Variants in FRMD5 observed in about 807,000 individuals in gnomAD.
FRMD5 encodes FERM domain-containing protein 5.
A neutral mutation model predicts 69.0 loss-of-function variants in FRMD5; 20 were observed. The ratio of observed to expected loss-of-function variants is 0.29; its 90% confidence interval spans 0.20 to 0.42. The LOEUF (loss-of-function observed/expected upper bound fraction) is 0.42. Among genes scored for constraint, FRMD5 ranks in the 10% least tolerant of loss-of-function variants. The pLI is 1.00. For missense variants in FRMD5, 595 were observed against 708.6 expected (o/e 0.84, Z 1.82); for synonymous variants, 271 against 260.1 (o/e 1.04, Z -0.40).
chr15:43,973,437 C>T lies in FRMD5; in HGVS notation c.103-49128G>A, dbSNP rs186481849. On this transcript the variant is annotated intron_variant, in intron 1 of 13. Transcript: ENST00000417257. ...CTGGAGTGCAATGGCACGATATCTC[C>T]GCTCACTGGAACCTCCGCCTCCCAG... Among the ~76,000 whole-genome samples the T allele has an allele frequency of 2.4e-3, 365 of 151,804 alleles. 2 individuals carry two copies. Among genetic ancestry groups the T allele is most frequent in the African/African-American group, 8.1e-3 (334 of 41,372 alleles).
intron 1 of FRMD5, among the ~76,000 whole-genome samples, chr15:44,182,167 T>G (rs1023596400): frequency 5.3e-5 from 8 of 150,870 alleles, no homozygotes; most frequent in African/African-American, 2.0e-4. Flanking sequence ...TGCGCCACCA[T>G]GCCTGGCTAA....
chr15:44,030,807 G>C (rs1891646036), intron 1 of FRMD5, among the ~76,000 whole-genome samples: 1 of 152,158 alleles, frequency 6.6e-6, no homozygotes, highest in South Asian at 2.1e-4. Flanking sequence ...AAGTTACGTG[G>C]AAAGGAAGAA....
intron 1 of FRMD5, among the ~76,000 whole-genome samples, chr15:43,948,576 C>T (rs2089981813): frequency 6.6e-6 from 1 of 152,194 alleles, no homozygotes. Flanking sequence ...GTAGCAATTA[C>T]AAGCCTAACT....
chr15:44,133,393 G>T (rs1005490588), intron 1 of FRMD5, among the ~76,000 whole-genome samples: 2 of 151,634 alleles, frequency 1.3e-5, no homozygotes, highest in African/African-American at 2.4e-5. Context: ...TGGCTAACAC[G>T]GTGAAACCCC....
At position 44,195,049 on chromosome 15, in the gene FRMD5, C is replaced by G; in HGVS notation, c.6G>C (p.Leu2=). The change falls in exon 1 of 14, where the codon CTG becomes CTC. Residue 2 remains leucine (L), a synonymous_variant. Coordinates refer to ENST00000417257, the MANE Select transcript of FRMD5 (RefSeq NM_032892.5). M[L]SRLMSGSSRS... ...TGCTGCTGCCGCTCATCAACCTGCT[C>G]AGCATCTTCCCGCCCGCCCGCCCGG... 2 of 1,537,920 alleles carry G rather than the reference C, an allele frequency of 1.3e-6. No homozygotes were observed. The highest frequency in any genetic ancestry group is 1.4e-5 in the African/African-American group (1 of 71,432).
rs1460387390 is a variant in FRMD5 at position 43,883,556 on chromosome 15, T to G, written c.1135+147A>C. 3 of 606,408 alleles carry G rather than the reference T, an allele frequency of 4.9e-6. No homozygotes were observed. In the East Asian group the frequency reaches 8.4e-5, roughly 17 times the overall value. 37.6% of individuals were successfully genotyped at this position (606,408 alleles called of 1,614,324 possible). A position where few individuals can be genotyped will look rare whatever the true frequency, so the allele number is the denominator to read the frequency against. ...ACCCTGTACCCAGCTAATATTCCCA[T>G]CCACTGGATAAAACCTCCTACTTGC... On this transcript the variant is annotated intron_variant, in intron 13 of 13. Coordinates refer to ENST00000417257, the MANE Select transcript of FRMD5 (RefSeq NM_032892.5).
intron 6 of FRMD5, among the ~76,000 whole-genome samples, chr15:43,903,675 G>C (rs552680320): frequency 1.7e-4 from 26 of 152,354 alleles, no homozygotes; most frequent in African/African-American, 6.3e-4. Context: ...GGGCTGGCTA[G>C]AGCACAGCTT....
chr15:44,037,631 CT>C lies in FRMD5; in HGVS notation c.103-113323del, dbSNP rs1244770402. Among the ~76,000 whole-genome samples the C allele has an allele frequency of 5.1e-3, 715 of 140,926 alleles. 3 individuals are homozygous for C. Among genetic ancestry groups the C allele is most frequent in the Middle Eastern group, 7.5e-3 (2 of 268 alleles). 92.5% of individuals were successfully genotyped at this position (140,926 alleles called of 152,430 possible). On this transcript the variant is annotated intron_variant, in intron 1 of 13. Coordinates refer to ENST00000417257, the MANE Select transcript of FRMD5 (RefSeq NM_032892.5). ...TACAGGTGCATGCCGCCACACCCAG[CT>C]TTTTTTTTTTTTTATAGTTTTAGTA...
At chr15:44,120,121 G>T (rs1379377038) in intron 1 of FRMD5, among the ~76,000 whole-genome samples, 1 of 152,126 alleles carries the variant, frequency 6.6e-6, no homozygotes, top group Non-Finnish European at 1.5e-5. Flanking sequence ...AGTTCATAGG[G>T]GGACCTACAA....
intron 1 of FRMD5, among the ~76,000 whole-genome samples, chr15:43,925,052 T>C (rs1183813374): frequency 2.0e-5 from 3 of 148,830 alleles, no homozygotes; most frequent in Non-Finnish European, 4.4e-5. Flanking sequence ...TCTCCCAGGC[T>C]GGAGTGCAAT....
intron 1 of FRMD5, among the ~76,000 whole-genome samples, chr15:44,050,073 T>A (rs1421336163): frequency 6.6e-6 from 1 of 152,174 alleles, no homozygotes; most frequent in Non-Finnish European, 1.5e-5. Flanking sequence ...ATAAACTTTT[T>A]AAAAAAATCA....
At chr15:44,091,368 GCACA>G (rs143021975) in intron 1 of FRMD5, among the ~76,000 whole-genome samples, 1 of 151,164 alleles carries the variant, frequency 6.6e-6, no homozygotes, top group Non-Finnish European at 1.5e-5. Context: ...ACACGCACAT[GCACA>G]CACACACACA....
intron 1 of FRMD5, among the ~76,000 whole-genome samples, chr15:44,049,413 C>T (rs1485302324): frequency 6.6e-6 from 1 of 152,102 alleles, no homozygotes; most frequent in Non-Finnish European, 1.5e-5. Context: ...CAGAGTAACC[C>T]TAGTGAATAA....
At chr15:44,036,991 GT>G (rs1030127518) in intron 1 of FRMD5, among the ~76,000 whole-genome samples, 8 of 148,484 alleles carry the variant, frequency 5.4e-5, no homozygotes, top group East Asian at 3.9e-4. Context: ...TACAACTACA[GT>G]TTTTTTTTTA....
chr15:44,058,084 T>C (rs917995577), intron 1 of FRMD5, among the ~76,000 whole-genome samples: 1 of 152,140 alleles, frequency 6.6e-6, no homozygotes, highest in East Asian at 1.9e-4. Context: ...AACAGTATAT[T>C]CTGCAACTTA....
chr15:44,105,844 A>C (rs892200220), intron 1 of FRMD5, among the ~76,000 whole-genome samples: 9 of 152,170 alleles, frequency 5.9e-5, no homozygotes, highest in African/African-American at 2.2e-4. Flanking sequence ...ATTTCTTCTT[A>C]TTAAGCTCAC....
intron 1 of FRMD5, among the ~76,000 whole-genome samples, chr15:43,943,178 G>A (rs1014256922): frequency 5.9e-5 from 9 of 152,162 alleles, no homozygotes; most frequent in African/African-American, 9.7e-5. Context: ...GGAAGTGGAG[G>A]TTGCAGTTAG....
chr15:43,989,709 C>T, intron 1 of FRMD5: 3 of 996,394 alleles, frequency 3.0e-6, no homozygotes, highest in East Asian at 2.6e-5. Context: ...GTGTGGGTGA[C>T]CCCGTCATCG....
intron 1 of FRMD5, among the ~76,000 whole-genome samples, chr15:44,154,380 A>C (rs974867848): frequency 1.3e-5 from 2 of 152,148 alleles, no homozygotes; most frequent in African/African-American, 4.8e-5. Flanking sequence ...AAAAAGACCA[A>C]TAGAGTACAC....
Sources: allele counts gnomAD v4.1 joint callset (sites outside exome capture counted in the v4.1 genomes callset), GRCh38; gene constraint gnomAD v4.1.1; transcripts MANE v1.5; gene names NCBI Gene and HGNC (gene_info 2026-07-23, HGNC 2026-07-21).